GRAMD1A: variants seen among roughly 807,000 people sequenced by gnomAD.
GRAMD1A encodes protein Aster-A.
GRAMD1A carries 50 observed loss-of-function variants against 92.0 expected under a neutral mutation model. The observed-to-expected ratio is 0.54, with a 90% confidence interval of 0.43 to 0.69. The LOEUF is 0.69. Ranked by LOEUF, GRAMD1A falls within the 30% of genes least tolerant of loss-of-function variation. The probability of loss-of-function intolerance (pLI) is 0.00; values close to 1 mark genes in which losing one functional copy is unlikely to be tolerated. For synonymous variants in GRAMD1A, 405 were observed against 403.6 expected (o/e 1.00, Z -0.04); for missense variants, 819 against 978.9 (o/e 0.84, Z 2.18).
intron 16 of GRAMD1A, 66 bp downstream of exon 16, chr19:35,022,104 G>A: frequency 8.6e-7 from 1 of 1,167,964 alleles, no homozygotes; most frequent in Non-Finnish European, 1.3e-6. Flanking sequence ...GTGACCTTGG[G>A]CAAGTGTGTG....
chr19:35,018,178 G>A (rs1023595426), intron 11 of GRAMD1A, among the ~76,000 whole-genome samples: 2 of 152,068 alleles, frequency 1.3e-5, no homozygotes, highest in African/African-American at 4.8e-5. Context: ...AGTAGAGACG[G>A]GGTTTCACCG....
chr19:34,998,040 C>T (rs1234181057), upstream of GRAMD1A, among the ~76,000 whole-genome samples: 1 of 145,318 alleles, frequency 6.9e-6, no homozygotes, highest in East Asian at 2.1e-4. Flanking sequence ...TGCACCACTC[C>T]AGCCTGAGCG....
intron 1 of GRAMD1A, among the ~76,000 whole-genome samples, chr19:35,008,157 C>T (rs111583699): frequency 4.6e-5 from 7 of 151,536 alleles, no homozygotes; most frequent in Admixed American, 2.6e-4. Context: ...AGTGAACCCC[C>T]GTCTCTACTA....
At position 35,013,550 on chromosome 19, in the gene GRAMD1A, G is replaced by A; in HGVS notation, c.729G>A (p.Lys243=). The A allele has an allele frequency of 6.2e-7, 1 of 1,604,206 alleles. No homozygotes were observed. The highest frequency in any genetic ancestry group is 8.5e-7 in the Non-Finnish European group (1 of 1,173,646). The change falls in exon 9 of 20, where the codon AAG becomes AAA. Residue 243 remains lysine, a synonymous_variant. Coordinates refer to ENST00000317991, the MANE Select transcript of GRAMD1A (RefSeq NM_020895.5). This position sits in a 1 kb window ranked among gnomAD's most constrained non-coding sequence, Gnocchi z 4.9. ...PLQLNGLGTP[K]EVGDVIALSD... ...CTCCCCTTTCCCACAGGACCCCCAA[G>A]GAAGTGGGAGATGTGATCGCCCTGA...
intron 1 of GRAMD1A, 77 bp from the exon 2 acceptor site, chr19:35,009,042 C>T: frequency 2.2e-6 from 2 of 917,804 alleles, no homozygotes; most frequent in Non-Finnish European, 3.6e-6. Flanking sequence ...AATGGGTGGG[C>T]CTCTGAAAAT....
chr19:35,010,807 A>C (rs1264108469), intron 6 of GRAMD1A, among the ~76,000 whole-genome samples: 6 of 152,086 alleles, frequency 3.9e-5, no homozygotes, highest in Non-Finnish European at 7.4e-5. Context: ...TGTTGGTTAA[A>C]AGTGGATCTG....
At chr19:34,995,031 TC>T (rs1375690795) in intron 1 of GRAMD1A, among the ~76,000 whole-genome samples, 5 of 152,134 alleles carry the variant, frequency 3.3e-5, no homozygotes, top group African/African-American at 9.7e-5. Context: ...GCCTCTAACA[TC>T]ACAGCCACAG....
At chr19:34,996,231 CA>C (rs2014031060), upstream of GRAMD1A, 1 of 1,535,772 alleles carries the variant, frequency 6.5e-7, no homozygotes, top group East Asian at 2.4e-5. Flanking sequence ...GCCTGCACCC[CA>C]ACCCCCCGAC....
At position 35,013,569 on chromosome 19, in the gene GRAMD1A, G is replaced by T. The variant is rs750877472; in HGVS notation, c.748G>T (p.Ala250Ser). 8.1e-6 allele frequency: 13 copies of T among 1,610,890 alleles called. No homozygotes were observed. Among genetic ancestry groups the T allele is most frequent in the East Asian group, 4.5e-5 (2 of 44,834 alleles). ...CCCCAAGGAAGTGGGAGATGTGATC[G>T]CCCTGAGCGACATCACCTCCTCGGG... Reference protein sequence around the residue: ...GTPKEVGDVIALSDITSSGAA... With the variant: ...GTPKEVGDVISLSDITSSGAA... Residue 250 changes from alanine (A) to serine (S), a missense_variant, in exon 9 of 20, where the codon GCC (alanine) becomes TCC (serine). Transcript: ENST00000317991. The surrounding 1 kb of genome is among the most constrained non-coding windows in gnomAD (Gnocchi z 4.9).
At chr19:34,995,871 C>G, upstream of GRAMD1A, 1 of 641,558 alleles carries the variant, frequency 1.6e-6, no homozygotes, top group Non-Finnish European at 2.7e-6. Flanking sequence ...GCATGAGCCA[C>G]TGCGCCTGGT....
At chr19:35,025,055 C>G (rs775857365) in intron 19 of GRAMD1A, 5 of 152,218 alleles carry the variant, frequency 3.3e-5, no homozygotes, top group Non-Finnish European at 7.3e-5. Flanking sequence ...TCCCAAAGTC[C>G]TGGGATTGCA....
At chr19:35,024,061 C>G (rs763135994) in intron 19 of GRAMD1A, among the ~76,000 whole-genome samples, 3 of 152,236 alleles carry the variant, frequency 2.0e-5, no homozygotes, top group Non-Finnish European at 2.9e-5. Flanking sequence ...TCCAAAGGAC[C>G]TGAGGTCTCA....
chr19:35,014,059 G>T, intron 9 of GRAMD1A, 130 bp from the exon 10 acceptor site: 1 of 857,368 alleles, frequency 1.2e-6, no homozygotes, highest in South Asian at 1.6e-5. Context: ...TCGCAGCTCA[G>T]CCGTGAGCCC....
intron 1 of GRAMD1A, among the ~76,000 whole-genome samples, chr19:35,007,571 T>A (rs1422632575): frequency 6.8e-6 from 1 of 146,058 alleles, no homozygotes; most frequent in Non-Finnish European, 1.5e-5. Context: ...AAAATAAAAA[T>A]AATAGAAATA....
intron 10 of GRAMD1A, 150 bp downstream of exon 10, chr19:35,014,537 ACT>A (rs2015486969): frequency 7.2e-6 from 5 of 695,230 alleles, no homozygotes; most frequent in Non-Finnish European, 1.3e-5. Context: ...CTCTGTCTTT[ACT>A]CTGTTTTGAA....
At chr19:34,997,787 C>G (rs750836394), upstream of GRAMD1A, among the ~76,000 whole-genome samples, 1 of 152,018 alleles carries the variant, frequency 6.6e-6, no homozygotes, top group Non-Finnish European at 1.5e-5. Context: ...TACACAGGGT[C>G]CAGGCGTGCT....
chr19:35,010,001 CT>C, intron 4 of GRAMD1A, 29 bp downstream of exon 4: 1 of 1,569,646 alleles, frequency 6.4e-7, no homozygotes, highest in African/African-American at 1.3e-5. Flanking sequence ...GTCCCAGCTC[CT>C]AGCCCAGCCC....
In GRAMD1A at chr19:35,021,701, C is replaced by T. The variant is rs1364369476; in HGVS notation, c.1590C>T (p.Leu530=). The T allele has an allele frequency of 7.4e-6, 12 of 1,614,030 alleles. No homozygotes were observed. Among genetic ancestry groups the T allele is most frequent in the Middle Eastern group, 3.3e-4 (2 of 6,062 alleles). Residue 530 remains leucine, a synonymous_variant, in exon 15 of 20, where the codon CTC becomes CTT. Transcript: ENST00000317991. The surrounding 1 kb of genome is among the most constrained non-coding windows in gnomAD (Gnocchi z 5.3). ...CTCTCTTTTACGCAGAGCGAGAGCT[C>T]GCCAAGGCTGAGAAGCTGTCTCTGG... ...EDYFHHLERE[L]AKAEKLSLEE... is the part of the protein sequence containing the mutation.
chr19:35,023,739 T>G, intron 19 of GRAMD1A, 192 bp downstream of exon 19: 16 of 564,894 alleles, frequency 2.8e-5, no homozygotes, highest in Non-Finnish European at 4.7e-5. Flanking sequence ...AAGACAGAAC[T>G]GATTGGCTCA....
Sources: gnomAD v4.1 joint callset for allele counts (sites outside exome capture counted in the v4.1 genomes callset) on GRCh38, gnomAD v4.1.1 for gene constraint, Gnocchi (gnomAD v3.1) non-coding constraint, MANE v1.5 for transcripts, NCBI Gene and HGNC (gene_info 2026-07-23, HGNC 2026-07-21) for gene names.